The following CCDC88C variants were observed in gnomAD, a reference collection of about 807,000 sequenced individuals.
CCDC88C encodes the protein coiled-coil and HOOK domain protein 88C.
Under a neutral mutation model 198.8 loss-of-function variants are expected in CCDC88C, and 131 were observed. The ratio of observed to expected loss-of-function variants is 0.66; its 90% CI spans 0.57 to 0.76. CCDC88C has a LOEUF of 0.76. Among genes scored for constraint, CCDC88C ranks in the 30% least tolerant of loss-of-function variants. CCDC88C has a pLI of 0.00. For synonymous variants in CCDC88C, 1,166 were observed against 1,114.7 expected (o/e 1.05, Z -0.92); for missense variants, 2,553 against 2,631.6 (o/e 0.97, Z 0.65).
intron 1 of CCDC88C, 94 bp from the exon 2 acceptor site, chr14:91,416,932 T>G: frequency 1.2e-6 from 1 of 857,208 alleles, no homozygotes; most frequent in Non-Finnish European, 1.9e-6. Flanking sequence ...GACGGGTCAG[T>G]GTGAGCAGAA....
In CCDC88C at chr14:91,313,965, G is replaced by A. The variant is rs867170457; in HGVS notation, c.1851C>T (p.His617=). The A allele has an allele frequency of 6.2e-7, 1 of 1,613,614 alleles. No homozygotes were observed. Among genetic ancestry groups the A allele is most frequent in the Non-Finnish European group, 8.5e-7 (1 of 1,179,840 alleles). ...TCTCCTTGGCCTGCTCCAAGTCCCTGTGCAGCTGCCGCTTCTCAAACTCCA... is the reference window on the plus strand; with the variant it reads ...TCTCCTTGGCCTGCTCCAAGTCCCTATGCAGCTGCCGCTTCTCAAACTCCA... ...SQLEFEKRQL[H]RDLEQAKEKG... The change falls in exon 15 of 30, where the codon CAC becomes CAT. Residue 617 remains histidine (H), a synonymous_variant. Coordinates refer to ENST00000389857, the MANE Select transcript of CCDC88C (RefSeq NM_001080414.4). This position sits in a 1 kb window ranked among gnomAD's most constrained non-coding sequence, Gnocchi z 5.2.
chr14:91,371,767 C>G lies in CCDC88C; in HGVS notation c.271-12056G>C, dbSNP rs1221597350. On this transcript the variant is annotated intron_variant, in intron 3 of 29. Transcript: ENST00000389857. This position sits in a 1 kb window ranked among gnomAD's most constrained non-coding sequence, Gnocchi z 4.2. ...CCACTCCACCGCTCACCCACCCAGG[C>G]CCACAGGCACCTATGCCAGGGCAGG... Among the ~76,000 whole-genome samples, 1 of 152,218 alleles carries G rather than the reference C, an allele frequency of 6.6e-6. No individual in the cohort carries two copies. The highest frequency in any genetic ancestry group is 1.5e-5 in the Non-Finnish European group (1 of 68,042).
At chr14:91,321,423 C>T in intron 12 of CCDC88C, 119 bp from the exon 13 acceptor site, 4 of 1,043,668 alleles carry the variant, frequency 3.8e-6, no homozygotes, top group Non-Finnish European at 5.6e-6. Context: ...TGGGGAGGAG[C>T]TCCCACAGGT....
At chr14:91,293,308 C>T (rs200461080) in intron 23 of CCDC88C, among the ~76,000 whole-genome samples, 115 of 70,080 alleles carry the variant, frequency 1.6e-3, no homozygotes, top group East Asian at 3.6e-3. Flanking sequence ...CTGCCACGGC[C>T]CACCTTCCCA....
chr14:91,310,558 G>A (rs1366106333), intron 15 of CCDC88C, among the ~76,000 whole-genome samples: 2 of 152,100 alleles, frequency 1.3e-5, no homozygotes, highest in African/African-American at 4.8e-5. Flanking sequence ...TTACAGGTGT[G>A]CACCAGCACA....
At chr14:91,416,659 T>G in intron 2 of CCDC88C, 79 bp downstream of exon 2, 1 of 995,954 alleles carries the variant, frequency 1.0e-6, no homozygotes, top group Non-Finnish European at 1.5e-6. Context: ...CACCCCGCCA[T>G]GCAACCTTCC....
chr14:91,400,783 C>T (rs892876221), intron 3 of CCDC88C, among the ~76,000 whole-genome samples: 1 of 152,064 alleles, frequency 6.6e-6, no homozygotes, highest in Non-Finnish European at 1.5e-5. Context: ...GGGTAACTGA[C>T]CAAAGAAAAA....
At chr14:91,353,761 G>A (rs1046438815) in intron 4 of CCDC88C, among the ~76,000 whole-genome samples, 9 of 152,220 alleles carry the variant, frequency 5.9e-5, no homozygotes, top group African/African-American at 2.2e-4. Context: ...CATCATAAGA[G>A]AGAGAAAACA....
chr14:91,301,501 A>C (rs1171587035), intron 20 of CCDC88C, among the ~76,000 whole-genome samples: 2 of 152,234 alleles, frequency 1.3e-5, no homozygotes, highest in African/African-American at 4.8e-5. Context: ...GGATCACTTG[A>C]GGTAGGGAGT....
At chr14:91,402,789 G>A (rs1886282112) in intron 3 of CCDC88C, among the ~76,000 whole-genome samples, 1 of 152,172 alleles carries the variant, frequency 6.6e-6, no homozygotes, top group South Asian at 2.1e-4. Flanking sequence ...GTGAGTGTTC[G>A]TTATGACCAC....
chr14:91,412,280 C>A (rs1257082578), intron 2 of CCDC88C, among the ~76,000 whole-genome samples: 1 of 151,946 alleles, frequency 6.6e-6, no homozygotes, highest in African/African-American at 2.4e-5. Flanking sequence ...AATATTAATA[C>A]ATTAAGGACA....
intron 3 of CCDC88C, among the ~76,000 whole-genome samples, chr14:91,366,689 G>A (rs1399470720): frequency 6.6e-6 from 1 of 152,204 alleles, no homozygotes; most frequent in Non-Finnish European, 1.5e-5. Context: ...GAGAAGCCAA[G>A]CCTCTTGATT....
At chr14:91,414,184 C>G (rs1408013226) in intron 2 of CCDC88C, among the ~76,000 whole-genome samples, 1 of 152,166 alleles carries the variant, frequency 6.6e-6, no homozygotes, top group Non-Finnish European at 1.5e-5. Flanking sequence ...TTAGTTGGTG[C>G]CTCAAATCCT....
chr14:91,376,634 G>C (rs8018155), intron 3 of CCDC88C, among the ~76,000 whole-genome samples: 57,304 of 152,116 alleles, frequency 0.38, 11,591 homozygotes, highest in African/African-American at 0.51. Flanking sequence ...CATCCTGAGA[G>C]CCACCTGGCA....
intron 3 of CCDC88C, among the ~76,000 whole-genome samples, chr14:91,391,785 AAAAAG>A (rs932115096): frequency 3.3e-5 from 5 of 152,292 alleles, no homozygotes; most frequent in Non-Finnish European, 7.4e-5. Context: ...TCTCAAAAAG[AAAAAG>A]AAAAAAGAGG....
intron 4 of CCDC88C, among the ~76,000 whole-genome samples, chr14:91,349,673 C>T (rs1175312818): frequency 6.6e-6 from 1 of 152,208 alleles, no homozygotes; most frequent in East Asian, 1.9e-4. Flanking sequence ...CCTTACCTTA[C>T]TACCTGCTTC....
chr14:91,400,441 A>AT (rs1288209569), intron 3 of CCDC88C, among the ~76,000 whole-genome samples: 1 of 152,042 alleles, frequency 6.6e-6, no homozygotes, highest in Non-Finnish European at 1.5e-5. Flanking sequence ...GCTGACTGTG[A>AT]CCTCCGGATG....
chr14:91,273,117 TC>T lies in CCDC88C; in HGVS notation c.5594del (p.Gly1865GlufsTer200). On this transcript the variant is annotated frameshift_variant, in exon 30 of 30. Coordinates refer to ENST00000389857, the MANE Select transcript of CCDC88C (RefSeq NM_001080414.4). LOFTEE classifies it low-confidence loss of function (END_TRUNC). This position sits in a 1 kb window ranked among gnomAD's most constrained non-coding sequence, Gnocchi z 5.6. ...SLARERTPLV[G>X]KAGSSCQGPG... ...GGCCCTGACAGGAGCTGCCAGCCTTTCCCACAAGTGGGGTCCGCTCCCGGGC... is the reference window on the plus strand; with the variant it reads ...GGCCCTGACAGGAGCTGCCAGCCTTTCCACAAGTGGGGTCCGCTCCCGGGC... 6.4e-7 allele frequency: 1 copy of T among 1,571,090 alleles called. No individual in the cohort carries two copies. The highest frequency in any genetic ancestry group is 8.6e-7 in the Non-Finnish European group (1 of 1,158,158).
intron 3 of CCDC88C, chr14:91,378,775 A>G (rs772528623): frequency 1.3e-5 from 2 of 152,208 alleles, no homozygotes; most frequent in Non-Finnish European, 2.9e-5. Context: ...ACTAATATTT[A>G]TGATATTGCC....
Sources: allele counts gnomAD v4.1 joint callset (sites outside exome capture counted in the v4.1 genomes callset), GRCh38; gene constraint gnomAD v4.1.1; non-coding constraint Gnocchi (gnomAD v3.1); transcripts MANE v1.5; gene names NCBI Gene and HGNC (gene_info 2026-07-23, HGNC 2026-07-21).